BIRC6: variants seen among roughly 807,000 people sequenced by gnomAD.
BIRC6 encodes the protein dual E2 ubiquitin-conjugating enzyme/E3 ubiquitin-protein ligase BIRC6.
Under a neutral mutation model 503.3 loss-of-function variants are expected in BIRC6, and 98 were observed. That is an observed-to-expected ratio of 0.19 (90% confidence interval 0.17 to 0.23). The LOEUF (loss-of-function observed/expected upper bound fraction) is 0.23. Ranked by LOEUF, BIRC6 falls within the 10% of genes least tolerant of loss-of-function variation. The pLI is 1.00. For synonymous variants in BIRC6, 2,240 were observed against 2,078.7 expected (o/e 1.08, Z -2.11); for missense variants, 5,360 against 5,806.0 (o/e 0.92, Z 2.50).
At chr2:32,396,728 A>T (rs1246795412) in intron 6 of BIRC6, among the ~76,000 whole-genome samples, 1 of 151,764 alleles carries the variant, frequency 6.6e-6, no homozygotes, top group African/African-American at 2.4e-5. Flanking sequence ...AAAATTGAAC[A>T]TTTTTTTTCC....
chr2:32,538,298 A>G (rs768729532), intron 61 of BIRC6, among the ~76,000 whole-genome samples: 1 of 152,176 alleles, frequency 6.6e-6, no homozygotes, highest in Non-Finnish European at 1.5e-5. Context: ...GCATTTTGAG[A>G]GCAGGCATGA....
At chr2:32,478,270 T>A (rs1327335881) in intron 35 of BIRC6, among the ~76,000 whole-genome samples, 1 of 152,018 alleles carries the variant, frequency 6.6e-6, no homozygotes, top group African/African-American at 2.4e-5. Context: ...CTGGGGGCGA[T>A]GAGGTTGCAG....
intron 70 of BIRC6, among the ~76,000 whole-genome samples, chr2:32,601,650 T>C (rs1252629841): frequency 6.6e-6 from 1 of 152,196 alleles, no homozygotes; most frequent in Non-Finnish European, 1.5e-5. Flanking sequence ...TTATTAAAAG[T>C]GTACAAAATC....
At chr2:32,535,559 G>GT (rs1213990650) in intron 61 of BIRC6, among the ~76,000 whole-genome samples, 1 of 152,098 alleles carries the variant, frequency 6.6e-6, no homozygotes, top group East Asian at 1.9e-4. Flanking sequence ...GCAGTGTTTG[G>GT]TTTTTTCGTC....
At chr2:32,392,668 G>A (rs1345342887) in intron 5 of BIRC6, among the ~76,000 whole-genome samples, 1 of 151,902 alleles carries the variant, frequency 6.6e-6, no homozygotes. Flanking sequence ...TGTTGCCCAC[G>A]CTGGAGTACA....
At chr2:32,470,443 A>C in intron 31 of BIRC6, 142 bp downstream of exon 31, 2 of 809,374 alleles carry the variant, frequency 2.5e-6, no homozygotes, top group South Asian at 4.3e-5. Flanking sequence ...AGAATGAGCA[A>C]CCCTCATGTG....
At chr2:32,397,236 C>G (rs1209673167) in intron 6 of BIRC6, among the ~76,000 whole-genome samples, 1 of 151,344 alleles carries the variant, frequency 6.6e-6, no homozygotes, top group African/African-American at 2.4e-5. Flanking sequence ...TTTGGGAGGC[C>G]GAGGCGGGTG....
intron 5 of BIRC6, among the ~76,000 whole-genome samples, chr2:32,395,015 G>C (rs1207917219): frequency 6.6e-6 from 1 of 152,088 alleles, no homozygotes; most frequent in East Asian, 1.9e-4. Context: ...AGCTGGGCGT[G>C]GTGGCAGGCG....
chr2:32,547,768 C>T, intron 63 of BIRC6, 82 bp from the exon 64 acceptor site: 2 of 1,250,592 alleles, frequency 1.6e-6, no homozygotes, highest in Non-Finnish European at 2.2e-6. Flanking sequence ...GTAGCTTCAT[C>T]ATTTTACTTT....
At position 32,594,968 on chromosome 2, in the gene BIRC6, AGTTTT is replaced by A. The variant is rs975811080; in HGVS notation, c.13502-65_13502-61del. ...TGAACTCTAGAGGTGAATTCTTTTT[AGTTTT>A]ATTTTTTAAAATATATACTTAAAAT... On this transcript the variant is annotated intron_variant, in intron 67 of 73. Coordinates refer to ENST00000421745, the MANE Select transcript of BIRC6 (RefSeq NM_016252.4). 7.8e-6 allele frequency: 8 copies of A among 1,028,826 alleles called. No individual in the cohort carries two copies. In the African/African-American group the frequency reaches 1.3e-4, roughly 17 times the overall value. The allele number at this position is 1,028,826 out of a possible 1,614,324, so 63.7% of individuals were successfully genotyped here.
chr2:32,507,572 TATTTA>T (rs996176275), intron 50 of BIRC6, among the ~76,000 whole-genome samples: 2 of 152,350 alleles, frequency 1.3e-5, no homozygotes, highest in Admixed American at 6.5e-5. Flanking sequence ...TTCCCCAAAT[TATTTA>T]AAATAGTAAA....
At chr2:32,382,216 G>C (rs1044008014) in intron 3 of BIRC6, among the ~76,000 whole-genome samples, 1 of 152,218 alleles carries the variant, frequency 6.6e-6, no homozygotes, top group Non-Finnish European at 1.5e-5. Context: ...GGACTAGGAA[G>C]TGCTACCCAG....
intron 66 of BIRC6, chr2:32,590,699 G>GTTTAACTAA (rs1241558210): frequency 1.2e-6 from 1 of 800,464 alleles, no homozygotes; most frequent in Admixed American, 6.2e-5. Flanking sequence ...GCCAAAATTT[G>GTTTAACTAA]TTTAACTAAT....
At chr2:32,575,120 T>C (rs764676386) in intron 65 of BIRC6, 36 bp from the exon 66 acceptor site, 13 of 1,597,766 alleles carry the variant, frequency 8.1e-6, no homozygotes, top group Non-Finnish European at 1.1e-5. Flanking sequence ...TATTGTACAT[T>C]TGCTCATTTT....
intron 15 of BIRC6, among the ~76,000 whole-genome samples, chr2:32,436,537 T>C (rs752529168): frequency 2.0e-5 from 3 of 152,156 alleles, no homozygotes; most frequent in Admixed American, 6.6e-5. Flanking sequence ...CAGAGTTTTA[T>C]TATATATTAT....
At chr2:32,500,135 C>A (rs1260676457) in intron 46 of BIRC6, 26 bp downstream of exon 46, 2 of 1,541,788 alleles carry the variant, frequency 1.3e-6, no homozygotes, top group African/African-American at 1.4e-5. Context: ...ATTAATCTTA[C>A]CATTGTCTCT....
intron 65 of BIRC6, among the ~76,000 whole-genome samples, chr2:32,562,334 A>G (rs2059249674): frequency 6.6e-6 from 1 of 152,178 alleles, no homozygotes; most frequent in African/African-American, 2.4e-5. Context: ...AGGTTCACAG[A>G]AAATTGAGCA....
In BIRC6 at chr2:32,401,545, T is replaced by C. The variant is rs776291129; in HGVS notation, c.1340T>C (p.Val447Ala). The C allele has an allele frequency of 6.2e-7, 1 of 1,613,900 alleles. No individual in the cohort carries two copies. Among genetic ancestry groups the C allele is most frequent in the East Asian group, 2.2e-5 (1 of 44,876 alleles). ...CTATCAGGAGACCCAAGCTCAGGAG[T>C]TGATTCAAGGAGACCAACTTTGGCG... The part of the protein sequence containing the change: ...LILSGDPSSG[V>A]DSRRPTLAWL... The change falls in exon 8 of 74, where the codon GTT (valine) becomes GCT (alanine). Residue 447 changes from valine (V) to alanine (A), a missense_variant. This residue lies in a region of BIRC6 where 700 missense variants were observed against 739.3 expected (regional missense o/e 0.95). Coordinates refer to ENST00000421745, the MANE Select transcript of BIRC6 (RefSeq NM_016252.4).
At position 32,618,242 on chromosome 2, in the gene BIRC6, A is replaced by G. The variant is rs1338551324; in HGVS notation, c.*338A>G. The G allele has an allele frequency of 6.2e-6, 1 of 162,104 alleles. No homozygotes were observed. The highest frequency in any genetic ancestry group is 1.3e-5 in the Non-Finnish European group (1 of 74,810). 10.0% of individuals were successfully genotyped at this position (162,104 alleles called of 1,614,324 possible). ...TATTTTATTTTATTTTTTTTTTACTATAGAGTGAGGGGTTGTTAACAAAGA... is the reference window on the plus strand; with the variant it reads ...TATTTTATTTTATTTTTTTTTTACTGTAGAGTGAGGGGTTGTTAACAAAGA... On this transcript the variant is annotated 3_prime_UTR_variant, in exon 74 of 74. Coordinates refer to ENST00000421745, the MANE Select transcript of BIRC6 (RefSeq NM_016252.4).
Sources: allele counts gnomAD v4.1 joint callset (sites outside exome capture counted in the v4.1 genomes callset), GRCh38; gene constraint gnomAD v4.1.1; regional missense constraint gnomAD v4.1.1; transcripts MANE v1.5; gene names NCBI Gene and HGNC (gene_info 2026-07-23, HGNC 2026-07-21).